Variants in CCDC175 observed in about 807,000 individuals in gnomAD.
CCDC175 encodes the protein coiled-coil domain-containing protein 175.
In CCDC175, 100 loss-of-function variants were observed where a neutral mutation model predicts 114.6. That is an observed-to-expected ratio of 0.87 (90% CI 0.74 to 1.03). CCDC175 has a LOEUF of 1.03. Among genes scored for constraint, CCDC175 ranks in the 50% least tolerant of loss-of-function variants. The probability of loss-of-function intolerance (pLI) is 0.00; values close to 1 mark genes in which losing one functional copy is unlikely to be tolerated. For missense variants in CCDC175, 880 were observed against 917.8 expected, an observed-to-expected ratio of 0.96 and a Z score of 0.53; for synonymous variants, 306 against 308.7, an observed-to-expected ratio of 0.99 and a Z score of 0.09.
At chr14:59,572,902 G>T in intron 2 of CCDC175, 89 bp from the exon 3 acceptor site, 5 of 663,182 alleles carry the variant, frequency 7.5e-6, no homozygotes, top group East Asian at 6.3e-5. Context: ...TGTTTTCAGG[G>T]GTCAAAATAT....
intron 17 of CCDC175, among the ~76,000 whole-genome samples, chr14:59,517,364 A>G (rs1424755215): frequency 3.9e-5 from 6 of 152,186 alleles, no homozygotes; most frequent in African/African-American, 1.4e-4. Context: ...CAATTAGCAA[A>G]AGAGGAAATC....
rs769689516 is a variant in CCDC175, at chr14:59,551,405, C to A, written c.985G>T (p.Asp329Tyr). The A allele has an allele frequency of 5.5e-6, 8 of 1,457,292 alleles. No individual in the cohort carries two copies. The highest frequency in any genetic ancestry group is 2.0e-4 in the Middle Eastern group (1 of 5,006). 90.3% of individuals were successfully genotyped at this position (1,457,292 alleles called of 1,614,324 possible). A position where few individuals can be genotyped will look rare whatever the true frequency, so the allele number is the denominator to read the frequency against. The change falls in exon 8 of 20, where the codon GAT (aspartate) becomes TAT (tyrosine). Residue 329 changes from aspartate (D) to tyrosine (Y), a missense_variant. Transcript: ENST00000537690. ...TTTTTTTCATCATTAGATATATCAT[C>A]TAGTTTTTCTTTGTTATCTGTGAAA... ...CFFTDNKEKL[D>Y]DISNDEKNEF...
chr14:59,551,577 C>G (rs150070043), intron 7 of CCDC175, 141 bp from the exon 8 acceptor site: 1 of 491,014 alleles, frequency 2.0e-6, no homozygotes, highest in Admixed American at 4.0e-5. Context: ...CATTTCCAAC[C>G]GAAGTACCGG....
intron 3 of CCDC175, among the ~76,000 whole-genome samples, chr14:59,569,401 TGCTTATGCTGCTG>T (rs1896727449): frequency 6.6e-6 from 1 of 152,234 alleles, no homozygotes; most frequent in South Asian, 2.1e-4. Context: ...TCTTACATGT[TGCTTATGCTGCTG>T]AACCAAAGAC....
At chr14:59,533,716 T>C (rs1950773) in intron 13 of CCDC175, among the ~76,000 whole-genome samples, 65,280 of 151,992 alleles carry the variant, frequency 0.43, 14,513 homozygotes, top group African/African-American at 0.53. Context: ...CAGCCAGGCA[T>C]GGTGGCTCAC....
chr14:59,508,565 C>CTAAA (rs1892575571), intron 19 of CCDC175, among the ~76,000 whole-genome samples: 1 of 74,578 alleles, frequency 1.3e-5, no homozygotes. Context: ...GGCCCTGTCT[C>CTAAA]AAAAAAAAAA....
At chr14:59,576,155 T>A (rs775773266) in intron 1 of CCDC175, among the ~76,000 whole-genome samples, 77 of 152,160 alleles carry the variant, frequency 5.1e-4, no homozygotes, top group Non-Finnish European at 9.6e-4. Context: ...ACCCTTTACA[T>A]CTAATTTTTC....
chr14:59,552,431 A>C (rs1012747835), intron 7 of CCDC175, among the ~76,000 whole-genome samples: 1 of 152,220 alleles, frequency 6.6e-6, no homozygotes, highest in Admixed American at 6.5e-5. Context: ...GGAAAACTAA[A>C]AAACAGAAAG....
intron 6 of CCDC175, among the ~76,000 whole-genome samples, chr14:59,563,272 C>T (rs917618790): frequency 9.2e-5 from 14 of 152,132 alleles, no homozygotes; most frequent in Non-Finnish European, 1.5e-4. Context: ...AAGTACAGAG[C>T]TCTGATGTAT....
In CCDC175 at chr14:59,510,743, T is replaced by C; in HGVS notation, c.2208A>G (p.Glu736=). ...TGACATGCTGCATTTTTTCATCTCTTTCACGCAGCTTGTCTGTTAGATTGT... is the reference window on the plus strand; with the variant it reads ...TGACATGCTGCATTTTTTCATCTCTCTCACGCAGCTTGTCTGTTAGATTGT... ...DINNLTDKLR[E]RDEKMQHVST... is the part of the protein sequence containing the mutation. The change falls in exon 19 of 20, where the codon GAA becomes GAG. Residue 736 remains glutamate (E), a synonymous_variant. Transcript: ENST00000537690. 1.3e-6 allele frequency: 2 copies of C among 1,537,396 alleles called. No individual in the cohort carries two copies. Among genetic ancestry groups the C allele is most frequent in the Non-Finnish European group, 1.7e-6 (2 of 1,146,912 alleles).
chr14:59,576,510 G>C, intron 1 of CCDC175, 109 bp downstream of exon 1: 2 of 1,105,048 alleles, frequency 1.8e-6, no homozygotes, highest in Non-Finnish European at 2.4e-6. Flanking sequence ...GCCCTGCCCA[G>C]TGATGCCCTG....
rs550750346 is a variant in CCDC175 at position 59,545,253 on chromosome 14, C to T, written c.1082G>A (p.Arg361Gln). ...TCTGGCAAGAGTTTTCATTTTCTCT[C>T]GTAGGTCTTTGTATTCCATACGAGC... is the stretch of plus-strand genomic sequence containing the variant. Reference protein sequence around the residue: ...HAARMEYKDLREKMKTLARQY... With the variant: ...HAARMEYKDLQEKMKTLARQY... Residue 361 changes from arginine (R) to glutamine (Q), a missense_variant, in exon 9 of 20, where the codon CGA (arginine) becomes CAA (glutamine). Coordinates refer to ENST00000537690, the MANE Select transcript of CCDC175 (RefSeq NM_001164399.2). 1.8e-5 allele frequency: 28 copies of T among 1,536,838 alleles called. No individual in the cohort carries two copies. In the East Asian group the frequency reaches 3.2e-4, roughly 17 times the overall value.
chr14:59,513,255 G>A (rs991440020), intron 17 of CCDC175, among the ~76,000 whole-genome samples: 3 of 152,212 alleles, frequency 2.0e-5, no homozygotes, highest in African/African-American at 7.2e-5. Flanking sequence ...CAGAAGACGG[G>A]TGATTTCTGC....
At chr14:59,571,309 C>A (rs1010648097) in intron 3 of CCDC175, among the ~76,000 whole-genome samples, 1 of 152,156 alleles carries the variant, frequency 6.6e-6, no homozygotes, top group African/African-American at 2.4e-5. Flanking sequence ...ATGTCACTAT[C>A]AACAGAGTGA....
At chr14:59,569,893 G>A (rs1244383199) in intron 3 of CCDC175, among the ~76,000 whole-genome samples, 2 of 152,152 alleles carry the variant, frequency 1.3e-5, no homozygotes, top group Middle Eastern at 3.2e-3. Flanking sequence ...CAGACCTAAG[G>A]AGTAGCCACC....
chr14:59,510,584 A>G (rs1249842923), intron 19 of CCDC175, 62 bp downstream of exon 19: 1 of 1,470,764 alleles, frequency 6.8e-7, no homozygotes, highest in Non-Finnish European at 9.2e-7. Flanking sequence ...TTTTGATGTT[A>G]CCAGCTATAT....
At chr14:59,545,385 A>T in intron 8 of CCDC175, 86 bp from the exon 9 acceptor site, 1 of 1,236,098 alleles carries the variant, frequency 8.1e-7, no homozygotes, top group South Asian at 1.5e-5. Flanking sequence ...CTCGGAGAGC[A>T]CCTGGGATAT....
At chr14:59,544,460 T>C (rs1894981632) in intron 9 of CCDC175, among the ~76,000 whole-genome samples, 1 of 152,162 alleles carries the variant, frequency 6.6e-6, no homozygotes, top group African/African-American at 2.4e-5. Context: ...GATAGGAAGC[T>C]GCCTGTATCA....
Position 59,563,844 on chromosome 14 carries a change from T to A in CCDC175, c.736A>T (p.Asn246Tyr). 6.9e-7 allele frequency: 1 copy of A among 1,439,412 alleles called. No homozygotes were observed. The highest frequency in any genetic ancestry group is 9.1e-7 in the Non-Finnish European group (1 of 1,103,058). 89.2% of individuals were successfully genotyped at this position (1,439,412 alleles called of 1,614,324 possible). A position where few individuals can be genotyped will look rare whatever the true frequency, so the allele number is the denominator to read the frequency against. Residue 246 changes from asparagine (N) to tyrosine (Y), a missense_variant, in exon 6 of 20, where the codon AAT becomes TAT. Coordinates refer to ENST00000537690, the MANE Select transcript of CCDC175 (RefSeq NM_001164399.2). ...TCCATTCTCTTTACTTCACGGGTAT[T>A]TTCAAATTCATTAATCTATAGTGAC... ...ELTAQINEFE[N>Y]TREVKRMETY...
Sources: allele counts gnomAD v4.1 joint callset (sites outside exome capture counted in the v4.1 genomes callset), GRCh38; gene constraint gnomAD v4.1.1; transcripts MANE v1.5; gene names NCBI Gene and HGNC (gene_info 2026-07-23, HGNC 2026-07-21).